RAD51B: variants seen among roughly 807,000 people sequenced by gnomAD.
The protein encoded by RAD51B is DNA repair protein RAD51 homolog 2.
RAD51B carries 38 observed loss-of-function variants against 42.2 expected under a neutral mutation model. The observed-to-expected ratio is 0.90, with a 90% CI of 0.70 to 1.18. RAD51B has a LOEUF of 1.18. Ranked by LOEUF, RAD51B falls within the 50% of genes most tolerant of loss-of-function variation. The probability of loss-of-function intolerance (pLI) is 0.00; values close to 1 mark genes in which losing one functional copy is unlikely to be tolerated. For missense variants in RAD51B, 373 were observed against 400.7 expected, an observed-to-expected ratio of 0.93 and a Z score of 0.59; for synonymous variants, 154 against 145.2, an observed-to-expected ratio of 1.06 and a Z score of -0.43.
At chr14:68,060,653 C>CA (rs1300763833) in intron 7 of RAD51B, among the ~76,000 whole-genome samples, 1 of 152,120 alleles carries the variant, frequency 6.6e-6, no homozygotes, top group African/African-American at 2.4e-5. Flanking sequence ...TTCTCCTTTC[C>CA]AAAGTATAGT....
intron 7 of RAD51B, among the ~76,000 whole-genome samples, chr14:68,018,799 T>C (rs147242504): frequency 6.6e-6 from 1 of 152,330 alleles, no homozygotes; most frequent in Non-Finnish European, 1.5e-5. Flanking sequence ...TTTTGAGTCA[T>C]AGACTTGTGT....
At chr14:68,486,952 C>A (rs775719023) in intron 10 of RAD51B, among the ~76,000 whole-genome samples, 2 of 152,148 alleles carry the variant, frequency 1.3e-5, no homozygotes, top group Non-Finnish European at 2.9e-5. Context: ...AAACCATAGA[C>A]CTTCTTAACT....
chr14:67,905,371 A>G (rs2043749057), intron 7 of RAD51B, among the ~76,000 whole-genome samples: 1 of 151,968 alleles, frequency 6.6e-6, no homozygotes, highest in Non-Finnish European at 1.5e-5. Context: ...TGGCTGTGTT[A>G]TAATATTTTT....
intron 10 of RAD51B, among the ~76,000 whole-genome samples, chr14:68,484,362 T>TTC (rs939900873): frequency 1.4e-4 from 20 of 147,758 alleles, no homozygotes. Context: ...TCTTTTTCTT[T>TTC]TTTTTTTTTT....
chr14:68,602,500 GGATAGCTAGATA>G (rs66737614), intron 10 of RAD51B, among the ~76,000 whole-genome samples: 140 of 135,374 alleles, frequency 1.0e-3, no homozygotes, highest in African/African-American at 3.6e-3. Context: ...ATGGATGGAT[GGATAGCTAGATA>G]GATAGCTAGC....
intron 7 of RAD51B, among the ~76,000 whole-genome samples, chr14:67,908,055 C>G (rs1478861650): frequency 6.6e-6 from 1 of 152,038 alleles, no homozygotes; most frequent in Non-Finnish European, 1.5e-5. Context: ...GAAAAAAATA[C>G]CTATTTGTTT....
In RAD51B at chr14:68,200,831, TA is replaced by T. The variant is rs955744758; in HGVS notation, c.757-91052del. On this transcript the variant is annotated intron_variant, in intron 7 of 10. Coordinates refer to ENST00000471583, the MANE Select transcript of RAD51B (RefSeq NM_133510.4). ...ACTATGCCTAGCTAATTTTTTTTTT[TA>T]TTTTTAGTAGAGATGAGGTCTCGCT... Among the ~76,000 whole-genome samples, 10 of 152,152 alleles carry T rather than the reference TA, an allele frequency of 6.6e-5. No homozygotes were observed. In the East Asian group the frequency reaches 1.9e-3, roughly 29 times the overall value.
intron 8 of RAD51B, among the ~76,000 whole-genome samples, chr14:68,305,908 G>A (rs865990873): frequency 1.4e-4 from 22 of 152,132 alleles, no homozygotes; most frequent in African/African-American, 4.8e-4. Flanking sequence ...TGTTTTTCTC[G>A]GCCAGCTGTT....
chr14:67,844,584 T>G (rs2041544519), intron 4 of RAD51B, among the ~76,000 whole-genome samples: 2 of 149,658 alleles, frequency 1.3e-5, no homozygotes, highest in Non-Finnish European at 3.0e-5. Context: ...TTTACCATTA[T>G]GTAGTGCCCT....
At chr14:68,267,452 G>A (rs1302278637) in intron 7 of RAD51B, among the ~76,000 whole-genome samples, 1 of 152,002 alleles carries the variant, frequency 6.6e-6, no homozygotes, top group Non-Finnish European at 1.5e-5. Flanking sequence ...TTTACCACTG[G>A]GAGAGTCAAA....
intron 4 of RAD51B, among the ~76,000 whole-genome samples, chr14:67,838,326 G>A (rs2041314340): frequency 6.6e-6 from 1 of 152,200 alleles, no homozygotes. Context: ...GTGGAGGTAA[G>A]AGAGAGCTAG....
chr14:68,518,387 C>T (rs1342083036), intron 10 of RAD51B, among the ~76,000 whole-genome samples: 6 of 152,148 alleles, frequency 3.9e-5, no homozygotes, highest in Admixed American at 6.5e-5. Context: ...GGTCTGCAGG[C>T]GGGAAACAAC....
chr14:68,351,627 TGCCACCTGAAGAGAGA>T (rs2082790522), intron 8 of RAD51B, among the ~76,000 whole-genome samples: 2 of 152,182 alleles, frequency 1.3e-5, no homozygotes, highest in Non-Finnish European at 2.9e-5. Context: ...AGAGATGTCC[TGCCACCTGAAGAGAGA>T]GGAGGCATTG....
At chr14:68,662,160 C>A (rs1432909261) in intron 11 of RAD51B, among the ~76,000 whole-genome samples, 1 of 152,216 alleles carries the variant, frequency 6.6e-6, no homozygotes, top group Non-Finnish European at 1.5e-5. Flanking sequence ...CAACACTCTT[C>A]TTCAGTTAAT....
At chr14:67,849,721 A>G (rs572129602) in intron 4 of RAD51B, among the ~76,000 whole-genome samples, 12 of 152,322 alleles carry the variant, frequency 7.9e-5, no homozygotes, top group African/African-American at 2.4e-4. Flanking sequence ...TCAGTTCCAG[A>G]AGCTCTAATT....
chr14:67,826,487 A>G (rs1357472534), intron 3 of RAD51B, among the ~76,000 whole-genome samples: 2 of 152,174 alleles, frequency 1.3e-5, no homozygotes, highest in Non-Finnish European at 2.9e-5. Context: ...AGAGTTTCCT[A>G]AAATTCTGTT....
chr14:68,209,556 A>G (rs1159027357), intron 7 of RAD51B, among the ~76,000 whole-genome samples: 1 of 152,048 alleles, frequency 6.6e-6, no homozygotes, highest in Non-Finnish European at 1.5e-5. Flanking sequence ...TTTTTTTCCA[A>G]CATTTAAAAG....
chr14:68,471,475 C>T (rs551393871), intron 10 of RAD51B, among the ~76,000 whole-genome samples: 7 of 152,162 alleles, frequency 4.6e-5, no homozygotes, highest in African/African-American at 9.6e-5. Context: ...TTTCCCTCAC[C>T]GGTTCTCAAG....
intron 10 of RAD51B, among the ~76,000 whole-genome samples, chr14:68,508,234 C>T (rs977962375): frequency 1.3e-5 from 2 of 152,086 alleles, no homozygotes; most frequent in African/African-American, 2.4e-5. Context: ...AGTCCTCTGC[C>T]ACCCTCTGGC....
Sources: allele counts gnomAD v4.1 joint callset (sites outside exome capture counted in the v4.1 genomes callset), GRCh38; gene constraint gnomAD v4.1.1; transcripts MANE v1.5; gene names NCBI Gene and HGNC (gene_info 2026-07-23, HGNC 2026-07-21).